Variants in ZNF865 observed in about 807,000 individuals in gnomAD.
ZNF865 encodes the protein zinc finger protein 865.
For synonymous variants in ZNF865, 763 were observed against 750.8 expected, an observed-to-expected ratio of 1.02 and a Z score of -0.27; for missense variants, 1,311 against 1,593.4, an observed-to-expected ratio of 0.82 and a Z score of 3.02.
intron 1 of ZNF865, 63 bp downstream of exon 1, chr19:55,605,795 G>T (rs993199974): frequency 6.6e-6 from 1 of 152,238 alleles, no homozygotes; most frequent in Non-Finnish European, 1.5e-5. Flanking sequence ...CCCCGCCCTG[G>T]CCCGCTGTGG....
Position 55,616,641 on chromosome 19 carries a change from T to TG in ZNF865, c.3025dup (p.Ala1009GlyfsTer123), listed in dbSNP as rs1981370905. ...GATCCCGGCTACTTCCGTAAGCACC[T>TG]GGCTGCCCACCAGGGCGGCCGGCCC... On this transcript the variant is annotated frameshift_variant, in exon 2 of 2. Transcript: ENST00000568956. LOFTEE classifies it low-confidence loss of function (END_TRUNC). 6.5e-7 allele frequency: 1 copy of TG among 1,528,944 alleles called. No individual in the cohort carries two copies. Among genetic ancestry groups the TG allele is most frequent in the Non-Finnish European group, 8.7e-7 (1 of 1,143,426 alleles). The allele number at this position is 1,528,944 out of a possible 1,614,324, so 94.7% of individuals were successfully genotyped here.
Position 55,615,038 on chromosome 19 carries a change from AAGGACGGGGCGGCCTCGGCCCCGC to A in ZNF865, c.1423_1446del (p.Asp475_Gln482del). On this transcript the variant is annotated inframe_deletion, in exon 2 of 2. Transcript: ENST00000568956. ...GCCCGCTGCCGCTGCGGAGGCGCCCAAGGACGGGGCGGCCTCGGCCCCGCAGCCCCCGCCCACCTTCCCCCCGGG... is the reference window on the plus strand; with the variant it reads ...GCCCGCTGCCGCTGCGGAGGCGCCCAAGCCCCCGCCCACCTTCCCCCCGGG... 1 of 1,290,286 alleles carries A rather than the reference AAGGACGGGGCGGCCTCGGCCCCGC, an allele frequency of 7.8e-7. No individual in the cohort carries two copies. The highest frequency in any genetic ancestry group is 9.8e-7 in the Non-Finnish European group (1 of 1,020,842). 79.9% of individuals were successfully genotyped at this position (1,290,286 alleles called of 1,614,324 possible). A position where few individuals can be genotyped will look rare whatever the true frequency, so the allele number is the denominator to read the frequency against.
Position 55,616,094 on chromosome 19 carries a change from G to A in ZNF865, c.2476G>A (p.Gly826Ser), listed in dbSNP as rs1197527923. Residue 826 changes from glycine (G) to serine (S), a missense_variant, in exon 2 of 2, where the codon GGC becomes AGC. Transcript: ENST00000568956. The part of the protein sequence containing the change: ...VRRTLGCGLC[G>S]QSFAGAYDLL... Reference sequence around the variant, plus strand: ...ACGGACCCTGGGCTGCGGCCTCTGCGGCCAGAGCTTCGCGGGCGCCTACGA... The same window carrying A: ...ACGGACCCTGGGCTGCGGCCTCTGCAGCCAGAGCTTCGCGGGCGCCTACGA... 3 of 1,491,862 alleles carry A rather than the reference G, an allele frequency of 2.0e-6. No homozygotes were observed. The highest frequency in any genetic ancestry group is 2.5e-5 in the East Asian group (1 of 39,468). The allele number at this position is 1,491,862 out of a possible 1,614,324, so 92.4% of individuals were successfully genotyped here. A position where few individuals can be genotyped will look rare whatever the true frequency, so the allele number is the denominator to read the frequency against.
rs1426194367 is a variant in ZNF865 at position 55,615,694 on chromosome 19, G to A, written c.2076G>A (p.Met692Ile). 3 of 1,534,492 alleles carry A rather than the reference G, an allele frequency of 2.0e-6. No individual in the cohort carries two copies. Among genetic ancestry groups the A allele is most frequent in the Admixed American group, 2.0e-5 (1 of 50,952 alleles). The change falls in exon 2 of 2, where the codon ATG (methionine) becomes ATA (isoleucine). Residue 692 changes from methionine (M) to isoleucine (I), a missense_variant. Physicochemically the swap from Met to Ile is conservative, Grantham distance 10 (BLOSUM62 1). Transcript: ENST00000568956. The stretch of plus-strand genomic sequence containing the variant: ...TCATGAGTCACAAGGAGGTCCACAT[G>A]GCAGAGAAGCCATACGGCTGCGACG... ...FHVMSHKEVH[M>I]AEKPYGCDAC... is the part of the protein sequence containing the mutation.
intron 1 of ZNF865, among the ~76,000 whole-genome samples, chr19:55,607,623 A>T (rs963002623): frequency 3.3e-5 from 5 of 152,082 alleles, no homozygotes; most frequent in Non-Finnish European, 7.4e-5. Flanking sequence ...AAAGAGATAG[A>T]CCTGGGGGGC....
In ZNF865 at chr19:55,615,773, C is replaced by G; in HGVS notation, c.2155C>G (p.His719Asp). 1.3e-6 allele frequency: 2 copies of G among 1,526,110 alleles called. No individual in the cohort carries two copies. The highest frequency in any genetic ancestry group is 1.8e-6 in the Non-Finnish European group (2 of 1,142,332). The allele number at this position is 1,526,110 out of a possible 1,614,324, so 94.5% of individuals were successfully genotyped here. Residue 719 changes from histidine (H) to aspartate (D), a missense_variant, in exon 2 of 2, where the codon CAC becomes GAC. Physicochemically the swap from His to Asp is moderately conservative, Grantham distance 81. Coordinates refer to ENST00000568956, the MANE Select transcript of ZNF865 (RefSeq NM_001195605.2). The stretch of plus-strand genomic sequence containing the variant: ...GAACCTCATGTGGCACAAGCTGGTC[C>G]ACCAGGCCGCCCCCGAGCGCCTGCT... ...IENLMWHKLV[H>D]QAAPERLLPP...
At chr19:55,609,175 C>T (rs973033004) in intron 1 of ZNF865, among the ~76,000 whole-genome samples, 3 of 152,186 alleles carry the variant, frequency 2.0e-5, no homozygotes, top group Admixed American at 1.3e-4. Flanking sequence ...TGCACCACCA[C>T]ACCCGGCTAA....
chr19:55,614,919 C>T lies in ZNF865; in HGVS notation c.1301C>T (p.Ala434Val), dbSNP rs1981290714. The T allele has an allele frequency of 6.7e-7, 1 of 1,486,572 alleles. No homozygotes were observed. The highest frequency in any genetic ancestry group is 1.4e-5 in the African/African-American group (1 of 70,760). 92.1% of individuals were successfully genotyped at this position (1,486,572 alleles called of 1,614,324 possible). ...KHQAAHAGAGAGGPRPVYPCD... is the reference protein window; with the variant it reads ...KHQAAHAGAGVGGPRPVYPCD... ...CAGGCGGCCCACGCGGGGGCGGGCG[C>T]CGGGGGGCCTCGGCCCGTGTACCCC... Residue 434 changes from alanine to valine, a missense_variant, in exon 2 of 2, where the codon GCC (alanine) becomes GTC (valine). Ala to Val is a moderately conservative substitution (Grantham distance 64). Coordinates refer to ENST00000568956, the MANE Select transcript of ZNF865 (RefSeq NM_001195605.2). The surrounding 1 kb of genome is among the most constrained non-coding windows in gnomAD (Gnocchi z 8.0).
chr19:55,615,132 AGGCGGCGGCGGCCGCGGC>A lies in ZNF865; in HGVS notation c.1520_1537del (p.Ala507_Ala512del). On this transcript the variant is annotated inframe_deletion, in exon 2 of 2. Transcript: ENST00000568956. ...GACCCTCCCACCACAGACAGCGAGA[AGGCGGCGGCGGCCGCGGC>A]GGCGGTGGTGTACGGCGCTGTGCCC... 1.7e-6 allele frequency: 2 copies of A among 1,194,308 alleles called. No individual in the cohort carries two copies. Among genetic ancestry groups the A allele is most frequent in the Non-Finnish European group, 2.1e-6 (2 of 963,526 alleles). The allele number at this position is 1,194,308 out of a possible 1,614,324, so 74.0% of individuals were successfully genotyped here. A position where few individuals can be genotyped will look rare whatever the true frequency, so the allele number is the denominator to read the frequency against.
Position 55,606,357 on chromosome 19 carries a change from C to T in ZNF865, c.-27+625C>T, listed in dbSNP as rs1490528859. Among the ~76,000 whole-genome samples the T allele has an allele frequency of 2.2e-5, 3 of 138,246 alleles. No individual in the cohort carries two copies. The East Asian group carries it at 5.8e-4, about 27-fold the overall frequency. 90.7% of individuals were successfully genotyped at this position (138,246 alleles called of 152,430 possible). ...CTTAAGAATGCCCCTTTCAAAGCCA[C>T]CCCCCCATCGCAGCGGCACAGCTCC... On this transcript the variant is annotated intron_variant, in intron 1 of 1. Transcript: ENST00000568956.
intron 1 of ZNF865, 37 bp from the exon 2 acceptor site, chr19:55,613,556 C>G: frequency 6.9e-7 from 1 of 1,446,656 alleles, no homozygotes; most frequent in Non-Finnish European, 9.1e-7. Flanking sequence ...GACCCAGCGC[C>G]GCGGCCGTGT....
rs1568525947 is a variant in ZNF865 at position 55,613,900 on chromosome 19, G to GTCCTCGTCCTCGTCCTCCTCCTCC, written c.288_311dup (p.Ser110_Ser117dup). ...AGCCCAAGGCGGAGGTGCCCTCCTC[G>GTCCTCGTCCTCGTCCTCCTCCTCC]TCCTCGTCCTCGTCCTCCTCCTCCT... is the stretch of plus-strand genomic sequence containing the variant. On this transcript the variant is annotated inframe_insertion, in exon 2 of 2. Transcript: ENST00000568956. 4.0e-6 allele frequency: 6 copies of GTCCTCGTCCTCGTCCTCCTCCTCC among 1,501,654 alleles called. No individual in the cohort carries two copies. The highest frequency in any genetic ancestry group is 2.9e-5 in the African/African-American group (2 of 69,876). 93.0% of individuals were successfully genotyped at this position (1,501,654 alleles called of 1,614,324 possible). A position where few individuals can be genotyped will look rare whatever the true frequency, so the allele number is the denominator to read the frequency against.
chr19:55,612,033 G>A (rs1404305497), intron 1 of ZNF865, among the ~76,000 whole-genome samples: 1 of 152,154 alleles, frequency 6.6e-6, no homozygotes, highest in Non-Finnish European at 1.5e-5. Context: ...GTCAGGAGAA[G>A]CCCCACTAAG....
At position 55,615,090 on chromosome 19, in the gene ZNF865, C is replaced by G. The variant is rs1005493440; in HGVS notation, c.1472C>G (p.Pro491Arg). 3.3e-6 allele frequency: 4 copies of G among 1,205,374 alleles called. No individual in the cohort carries two copies. The highest frequency in any genetic ancestry group is 4.1e-6 in the Non-Finnish European group (4 of 969,168). 74.7% of individuals were successfully genotyped at this position (1,205,374 alleles called of 1,614,324 possible). ...PQPPPTFPPG[P>R]YLLPPDPPTT... ...CCCCCGCCCACCTTCCCCCCGGGCC[C>G]GTACCTCCTGCCCCCCGACCCTCCC... Residue 491 changes from proline (P) to arginine (R), a missense_variant, in exon 2 of 2, where the codon CCG (proline) becomes CGG (arginine). Transcript: ENST00000568956.
chr19:55,616,942 G>A lies in ZNF865; in HGVS notation c.*144G>A, dbSNP rs1981383961. 2.3e-6 allele frequency: 2 copies of A among 855,282 alleles called. No homozygotes were observed. The highest frequency in any genetic ancestry group is 3.1e-5 in the East Asian group (1 of 32,474). The allele number at this position is 855,282 out of a possible 1,614,324, so 53.0% of individuals were successfully genotyped here. ...CTGGCGACCTTCAGGGCGCACGCCC[G>A]ACAGGCTCAAGACTGAATCACTCCC... is the stretch of plus-strand genomic sequence containing the variant. On this transcript the variant is annotated 3_prime_UTR_variant, in exon 2 of 2. Coordinates refer to ENST00000568956, the MANE Select transcript of ZNF865 (RefSeq NM_001195605.2).
At position 55,614,531 on chromosome 19, in the gene ZNF865, A is replaced by ACCG; in HGVS notation, c.922_924dup (p.Ala308dup). On this transcript the variant is annotated inframe_insertion, in exon 2 of 2. Transcript: ENST00000568956. The surrounding 1 kb of genome is among the most constrained non-coding windows in gnomAD (Gnocchi z 8.0). ...CCCAGCACCCGCTGCCAGCGCCGCC[A>ACCG]CCGCCGCCGCCCCCTCCACGGTGTC... 8 of 1,261,656 alleles carry ACCG rather than the reference A, an allele frequency of 6.3e-6. No homozygotes were observed. Among genetic ancestry groups the ACCG allele is most frequent in the Non-Finnish European group, 7.9e-6 (8 of 1,009,094 alleles). 78.2% of individuals were successfully genotyped at this position (1,261,656 alleles called of 1,614,324 possible).
Position 55,614,333 on chromosome 19 carries a change from C to G in ZNF865, c.715C>G (p.Leu239Val). ...GAAGTCCTTCAAGCAGTCCTCGCAC[C>G]TGGTCCAGCACATGCTGGTGCACTC... ...CQKSFKQSSH[L>V]VQHMLVHSGE... The change falls in exon 2 of 2, where the codon CTG (leucine) becomes GTG (valine). Residue 239 changes from leucine to valine, a missense_variant. By Grantham distance (32) the Leu-to-Val change is conservative. Coordinates refer to ENST00000568956, the MANE Select transcript of ZNF865 (RefSeq NM_001195605.2). The surrounding 1 kb of genome is among the most constrained non-coding windows in gnomAD (Gnocchi z 8.0). 1 of 1,500,658 alleles carries G rather than the reference C, an allele frequency of 6.7e-7. No individual in the cohort carries two copies. Among genetic ancestry groups the G allele is most frequent in the Non-Finnish European group, 8.9e-7 (1 of 1,129,924 alleles). The allele number at this position is 1,500,658 out of a possible 1,614,324, so 93.0% of individuals were successfully genotyped here. A position where few individuals can be genotyped will look rare whatever the true frequency, so the allele number is the denominator to read the frequency against.
Position 55,615,191 on chromosome 19 carries a change from G to A in ZNF865, c.1573G>A (p.Ala525Thr). The stretch of plus-strand genomic sequence containing the variant: ...CGCTGTGCCCGTCCCGCTCCTGGGC[G>A]CCCACCCGCTGCTGCTCGGCGGCGC... The part of the protein sequence containing the change: ...YGAVPVPLLG[A>T]HPLLLGGAGT... Residue 525 changes from alanine to threonine, a missense_variant, in exon 2 of 2, where the codon GCC becomes ACC. Coordinates refer to ENST00000568956, the MANE Select transcript of ZNF865 (RefSeq NM_001195605.2). 5.7e-6 allele frequency: 8 copies of A among 1,405,426 alleles called. No homozygotes were observed. The highest frequency in any genetic ancestry group is 7.3e-6 in the Non-Finnish European group (8 of 1,091,488). 87.1% of individuals were successfully genotyped at this position (1,405,426 alleles called of 1,614,324 possible).
chr19:55,608,164 GA>G (rs969437909), intron 1 of ZNF865, among the ~76,000 whole-genome samples: 7 of 152,156 alleles, frequency 4.6e-5, no homozygotes, highest in Admixed American at 3.9e-4. Context: ...AGATGGGGAG[GA>G]GGTGAAGGGG....
Sources: gnomAD v4.1 joint callset for allele counts (sites outside exome capture counted in the v4.1 genomes callset) on GRCh38, gnomAD v4.1.1 for gene constraint, Gnocchi (gnomAD v3.1) non-coding constraint, MANE v1.5 for transcripts, NCBI Gene and HGNC (gene_info 2026-07-23, HGNC 2026-07-21) for gene names.